Variants in CREBBP observed in about 807,000 individuals in gnomAD.
CREBBP encodes the protein CREB binding lysine acetyltransferase, also known as CREB-binding protein.
In CREBBP, 19 loss-of-function variants were observed where a neutral mutation model predicts 265.0. The observed-to-expected ratio is 0.07, with a 90% confidence interval of 0.05 to 0.11. The LOEUF is 0.11. Ranked by LOEUF, CREBBP falls within the 10% of genes least tolerant of loss-of-function variation. CREBBP has a pLI of 1.00. For synonymous variants in CREBBP, 1,457 were observed against 1,223.7 expected (o/e 1.19, Z -3.98); for missense variants, 2,525 against 3,219.0 (o/e 0.78, Z 5.22).
intron 23 of CREBBP, chr16:3,741,097 G>A (rs551149037): frequency 2.4e-5 from 4 of 169,164 alleles, no homozygotes; most frequent in South Asian, 1.5e-4. Flanking sequence ...TGCGGTGCAC[G>A]AATGAAGTTT....
Position 3,777,646 on chromosome 16 carries a change from A to G in CREBBP, c.2125T>C (p.Ser709Pro), listed in dbSNP as rs748006247. Residue 709 changes from serine to proline, a missense_variant, in exon 11 of 31, where the codon TCC (serine) becomes CCC (proline). Ser to Pro is a moderately conservative substitution (Grantham distance 74, BLOSUM62 -1). Around this residue, in one of 19 missense-constraint regions of CREBBP, gnomAD observed 548 missense variants for 533.0 expected, o/e 1.03. Transcript: ENST00000262367. The stretch of plus-strand genomic sequence containing the variant: ...ACTTGCATGCGATTCACTGGCAGGG[A>G]CAGGGGTCCATCTATGGTGGCAAAA... The part of the protein sequence containing the change: ...QPVRPPNGPL[S>P]LPVNRMQVSQ... 13 of 1,614,034 alleles carry G rather than the reference A, an allele frequency of 8.1e-6. No homozygotes were observed. In the African/African-American group the frequency reaches 1.5e-4, roughly 18 times the overall value.
At chr16:3,782,543 G>T in intron 6 of CREBBP, 141 bp downstream of exon 6, 2 of 1,137,478 alleles carry the variant, frequency 1.8e-6, no homozygotes, top group Non-Finnish European at 2.5e-6. Context: ...AGATACTTCA[G>T]CTTTTTCCTG....
intron 23 of CREBBP, chr16:3,742,781 G>C (rs1455974435): frequency 6.6e-6 from 1 of 152,018 alleles, no homozygotes; most frequent in Non-Finnish European, 1.5e-5. Context: ...ACTGAGAGTA[G>C]AGCTACCTCT....
Position 3,823,600 on chromosome 16 carries a change from T to C in CREBBP, c.799-12821A>G, listed in dbSNP as rs141102050. 2.1e-3 allele frequency among the ~76,000 whole-genome samples: 319 copies of C among 152,240 alleles called. 2 individuals carry two copies. Among genetic ancestry groups the C allele is most frequent in the Admixed American group, 5.1e-3 (78 of 15,284 alleles). ...CAGGCGTGGCTCTAACAGCTTCTGC[T>C]TTTTCTCCTCAGACATCCCACGTTT... On this transcript the variant is annotated intron_variant, in intron 2 of 30. Transcript: ENST00000262367.
intron 11 of CREBBP, among the ~76,000 whole-genome samples, chr16:3,775,946 C>T (rs981216858): frequency 4.0e-5 from 6 of 151,168 alleles, no homozygotes; most frequent in Non-Finnish European, 7.4e-5. Flanking sequence ...GATGAGATTT[C>T]GCTCTTGTTG....
At chr16:3,853,277 C>T (rs956191355) in intron 1 of CREBBP, among the ~76,000 whole-genome samples, 1 of 152,170 alleles carries the variant, frequency 6.6e-6, no homozygotes, top group Non-Finnish European at 1.5e-5. Flanking sequence ...ATTATTACTG[C>T]TATCCATAAC....
In CREBBP at chr16:3,770,685, G is replaced by T. The variant is rs868054808; in HGVS notation, c.2765C>A (p.Ala922Asp). ...AGGCTGCGGGGTCACCTGGGCCTGG[G>T]CTGCTGCCTGGACTGTAGGGGTGCT... ...TQSTPTVQAA[A>D]QAQVTPQPQT... Residue 922 changes from alanine (A) to aspartate (D), a missense_variant, in exon 14 of 31, where the codon GCC (alanine) becomes GAC (aspartate). Ala to Asp is a moderately radical substitution (Grantham distance 126). Coordinates refer to ENST00000262367, the MANE Select transcript of CREBBP (RefSeq NM_004380.3). 2 of 1,614,098 alleles carry T rather than the reference G, an allele frequency of 1.2e-6. No individual in the cohort carries two copies. Among genetic ancestry groups the T allele is most frequent in the African/African-American group, 2.7e-5 (2 of 75,036 alleles).
intron 2 of CREBBP, among the ~76,000 whole-genome samples, chr16:3,830,714 G>T (rs898406760): frequency 6.6e-6 from 1 of 151,988 alleles, no homozygotes; most frequent in African/African-American, 2.4e-5. Flanking sequence ...AAATCATAAG[G>T]ATTTGAACAC....
chr16:3,833,748 TG>T (rs1437850588), intron 2 of CREBBP, among the ~76,000 whole-genome samples: 2 of 152,204 alleles, frequency 1.3e-5, no homozygotes, highest in Non-Finnish European at 2.9e-5. Flanking sequence ...AGTACAACTA[TG>T]AAAGTTTCAT....
rs548121742 is a variant in CREBBP at position 3,831,869 on chromosome 16, C to T, written c.798+18428G>A. On this transcript the variant is annotated intron_variant, in intron 2 of 30. Transcript: ENST00000262367. ...AAACTTAGCCAGGCATGGTGGTGTG[C>T]GCCTGTAAGCACAGCTACTTGGGAG... is the stretch of plus-strand genomic sequence containing the variant. Among the ~76,000 whole-genome samples the T allele has an allele frequency of 1.8e-3, 275 of 152,024 alleles. 5 individuals are homozygous for T. Among genetic ancestry groups the T allele is most frequent in the African/African-American group, 6.3e-3 (260 of 41,440 alleles).
At chr16:3,759,982 C>G (rs1596859364) in intron 16 of CREBBP, among the ~76,000 whole-genome samples, 1 of 152,190 alleles carries the variant, frequency 6.6e-6, no homozygotes, top group African/African-American at 2.4e-5. Flanking sequence ...ACGACCCCAC[C>G]TGGCTCATGT....
In CREBBP at chr16:3,731,060, T is replaced by C; in HGVS notation, c.5172+132A>G. 3 of 925,310 alleles carry C rather than the reference T, an allele frequency of 3.2e-6. No homozygotes were observed. The highest frequency in any genetic ancestry group is 3.8e-5 in the Admixed American group (2 of 53,258). The allele number at this position is 925,310 out of a possible 1,614,324, so 57.3% of individuals were successfully genotyped here. On this transcript the variant is annotated intron_variant, in intron 30 of 30. Coordinates refer to ENST00000262367, the MANE Select transcript of CREBBP (RefSeq NM_004380.3). The surrounding 1 kb of genome is among the most constrained non-coding windows in gnomAD (Gnocchi z 7.7). Reference sequence around the variant, plus strand: ...AGCAACGCCTTCTGCCTTGTGACGCTGTCCTAGTTCTGGAGGAGTCAGTGC... The same window carrying C: ...AGCAACGCCTTCTGCCTTGTGACGCCGTCCTAGTTCTGGAGGAGTCAGTGC...
intron 28 of CREBBP, among the ~76,000 whole-genome samples, chr16:3,735,816 C>G (rs1238266124): frequency 6.6e-6 from 1 of 152,230 alleles, no homozygotes; most frequent in African/African-American, 2.4e-5. Flanking sequence ...CTCTCCGAGT[C>G]TAAGTGGACC....
intron 1 of CREBBP, among the ~76,000 whole-genome samples, chr16:3,858,418 T>A (rs946210385): frequency 6.6e-6 from 1 of 152,192 alleles, no homozygotes; most frequent in African/African-American, 2.4e-5. Context: ...TATCACACCT[T>A]CTCCTGGAAA....
At chr16:3,823,398 T>A (rs2054177477) in intron 2 of CREBBP, among the ~76,000 whole-genome samples, 1 of 152,140 alleles carries the variant, frequency 6.6e-6, no homozygotes, top group African/African-American at 2.4e-5. Context: ...TGAAATCAAA[T>A]TTGCCCTGGT....
At chr16:3,765,772 C>G (rs1443171179) in intron 16 of CREBBP, among the ~76,000 whole-genome samples, 2 of 152,132 alleles carry the variant, frequency 1.3e-5, no homozygotes, top group Admixed American at 1.3e-4. Flanking sequence ...CTCAACCTCT[C>G]GAGTAGCTGC....
chr16:3,860,512 C>T (rs2055051303), intron 1 of CREBBP, among the ~76,000 whole-genome samples: 1 of 152,080 alleles, frequency 6.6e-6, no homozygotes, highest in Non-Finnish European at 1.5e-5. Flanking sequence ...GCCACTGTGG[C>T]TCCAAAAAGA....
intron 3 of CREBBP, among the ~76,000 whole-genome samples, chr16:3,802,873 T>G (rs940660098): frequency 6.6e-6 from 1 of 151,818 alleles, no homozygotes; most frequent in African/African-American, 2.4e-5. Context: ...CTCCACAACC[T>G]CCACCTAGAA....
intron 2 of CREBBP, among the ~76,000 whole-genome samples, chr16:3,823,274 A>G (rs2054174985): frequency 6.6e-6 from 1 of 152,224 alleles, no homozygotes; most frequent in African/African-American, 2.4e-5. Context: ...CAAAATGGCA[A>G]GACGACCCTG....
Sources: gnomAD v4.1 joint callset for allele counts (sites outside exome capture counted in the v4.1 genomes callset) on GRCh38, gnomAD v4.1.1 for gene constraint, gnomAD v4.1.1 regional missense constraint, Gnocchi (gnomAD v3.1) non-coding constraint, MANE v1.5 for transcripts, NCBI Gene and HGNC (gene_info 2026-07-23, HGNC 2026-07-21) for gene names.